The following TSPAN4 variants were observed in gnomAD, a reference collection of about 807,000 sequenced individuals.
The protein encoded by TSPAN4 is tetraspanin 4.
In TSPAN4, 38 loss-of-function variants were observed where a neutral mutation model predicts 31.5. The ratio of observed to expected loss-of-function variants is 1.21; its 90% CI spans 0.93 to 1.58. The LOEUF is 1.58. Ranked by LOEUF, TSPAN4 falls within the 40% of genes most tolerant of loss-of-function variation. The pLI, the probability that TSPAN4 is intolerant of heterozygous loss-of-function variation, is 0.00. For missense variants in TSPAN4, 330 were observed against 317.3 expected, an observed-to-expected ratio of 1.04 and a Z score of -0.30; for synonymous variants, 186 against 144.6, an observed-to-expected ratio of 1.29 and a Z score of -2.06.
chr11:845,237 G>C, intron 1 of TSPAN4, among the ~76,000 whole-genome samples: 1 of 152,180 alleles, frequency 6.6e-6, no homozygotes, highest in East Asian at 1.9e-4. Context: ...TGTGGGATGG[G>C]GTGGGTGCAC....
At chr11:865,168 C>A in intron 5 of TSPAN4, 1 of 264,464 alleles carries the variant, frequency 3.8e-6, no homozygotes. Flanking sequence ...GGGACCGAGG[C>A]CAGGGTGCTG....
At chr11:843,788 T>G in intron 1 of TSPAN4, 1 of 95,484 alleles carries the variant, frequency 1.0e-5, no homozygotes, top group African/African-American at 3.2e-5. Flanking sequence ...CTGGGCTGGT[T>G]TGCCGGCCTG....
intron 1 of TSPAN4, among the ~76,000 whole-genome samples, chr11:845,769 G>A (rs747354591): frequency 7.9e-5 from 12 of 152,158 alleles, no homozygotes; most frequent in South Asian, 2.1e-4. Context: ...GGTTAGCCTC[G>A]GTGGTCCCAG....
chr11:865,899 A>G lies in TSPAN4; in HGVS notation c.565-19A>G, dbSNP rs143123731. The G allele has an allele frequency of 4.4e-4, 714 of 1,613,048 alleles. 6 individuals carry two copies. In the African/African-American group the frequency reaches 8.5e-3, roughly 19 times the overall value. On this transcript the variant is annotated intron_variant, in intron 7 of 8. Coordinates refer to ENST00000397397, the MANE Select transcript of TSPAN4 (RefSeq NM_003271.5). The stretch of plus-strand genomic sequence containing the variant: ...ACCAGCAGGCCCTGCCGTGACACGC[A>G]TGACATCCCTCCCTGCAGCCGTGCT...
intron 3 of TSPAN4, chr11:858,780 A>ACGTG: frequency 7.4e-6 from 1 of 135,338 alleles, no homozygotes; most frequent in African/African-American, 3.0e-5. Flanking sequence ...ACCCCGGCTC[A>ACGTG]CATGCACCCC....
At chr11:851,002 CTT>C (rs1565132551) in intron 3 of TSPAN4, among the ~76,000 whole-genome samples, 2 of 152,376 alleles carry the variant, frequency 1.3e-5, no homozygotes, top group African/African-American at 4.8e-5. Flanking sequence ...GCTTCCCTAA[CTT>C]TTGCGGAGGT....
intron 2 of TSPAN4, chr11:849,820 G>T (rs1189004366): frequency 2.0e-5 from 3 of 146,426 alleles, no homozygotes. Context: ...GGCGCGCGGG[G>T]TCGGGGGCGC....
In TSPAN4 at chr11:866,820, A is replaced by AC. The variant is rs1342166771; in HGVS notation, c.*197dup. ...GCTCAGGTGGCTTCAGGGCCTCCGGACCCCCCCTGGGAGGGGTGGCCACGT... is the reference window on the plus strand; with the variant it reads ...GCTCAGGTGGCTTCAGGGCCTCCGGACCCCCCCCTGGGAGGGGTGGCCACGT... On this transcript the variant is annotated 3_prime_UTR_variant, in exon 9 of 9. Transcript: ENST00000397397. 5.9e-5 allele frequency: 33 copies of AC among 561,904 alleles called. No individual in the cohort carries two copies. The highest frequency in any genetic ancestry group is 1.8e-4 in the Admixed American group (5 of 27,156). 34.8% of individuals were successfully genotyped at this position (561,904 alleles called of 1,614,324 possible). A position where few individuals can be genotyped will look rare whatever the true frequency, so the allele number is the denominator to read the frequency against.
chr11:847,413 C>T (rs1389192853), intron 2 of TSPAN4, 113 bp downstream of exon 2: 1 of 152,182 alleles, frequency 6.6e-6, no homozygotes, highest in East Asian at 1.9e-4. Context: ...GACACCACAC[C>T]TGAGTATCTA....
intron 3 of TSPAN4, chr11:862,249 C>T (rs1848498608): frequency 2.5e-6 from 1 of 404,006 alleles, no homozygotes; most frequent in Non-Finnish European, 4.4e-6. Context: ...CCTTTGGCTC[C>T]AGGCCAGGGG....
chr11:866,820 A>T lies in TSPAN4; in HGVS notation c.*190A>T. ...GCTCAGGTGGCTTCAGGGCCTCCGG[A>T]CCCCCCCTGGGAGGGGTGGCCACGT... On this transcript the variant is annotated 3_prime_UTR_variant, in exon 9 of 9. Transcript: ENST00000397397. 5.3e-6 allele frequency: 3 copies of T among 562,028 alleles called. No individual in the cohort carries two copies. Among genetic ancestry groups the T allele is most frequent in the Non-Finnish European group, 3.0e-6 (1 of 335,596 alleles). The allele number at this position is 562,028 out of a possible 1,614,324, so 34.8% of individuals were successfully genotyped here.
intron 3 of TSPAN4, among the ~76,000 whole-genome samples, chr11:854,145 G>A (rs1847910898): frequency 6.6e-6 from 1 of 152,234 alleles, no homozygotes; most frequent in Admixed American, 6.5e-5. Context: ...AGGCAGCCGA[G>A]CTATTTAGCA....
intron 3 of TSPAN4, chr11:858,202 T>G (rs755100439): frequency 2.0e-5 from 3 of 152,506 alleles, no homozygotes; most frequent in Non-Finnish European, 4.4e-5. Flanking sequence ...CTCCAGAATG[T>G]TACGAGGGAC....
intron 1 of TSPAN4, chr11:844,391 G>A (rs750211274): frequency 2.0e-5 from 3 of 152,406 alleles, no homozygotes; most frequent in Non-Finnish European, 2.9e-5. Flanking sequence ...TTGGAATTCC[G>A]AGTGTGTGCG....
chr11:855,193 C>G (rs1847978948), intron 3 of TSPAN4, among the ~76,000 whole-genome samples: 1 of 152,190 alleles, frequency 6.6e-6, no homozygotes, highest in Non-Finnish European at 1.5e-5. Flanking sequence ...GGCCGGGCCT[C>G]TGTGTGGAGA....
At chr11:861,888 A>G (rs1451297631) in intron 3 of TSPAN4, among the ~76,000 whole-genome samples, 1 of 152,188 alleles carries the variant, frequency 6.6e-6, no homozygotes, top group Non-Finnish European at 1.5e-5. Flanking sequence ...GTGCCACTGC[A>G]CTCCAGCCTG....
chr11:864,538 A>G (rs370185425), intron 5 of TSPAN4, 27 bp downstream of exon 5: 4 of 1,610,098 alleles, frequency 2.5e-6, no homozygotes, highest in Non-Finnish European at 3.4e-6. Flanking sequence ...CGCAGGCCCA[A>G]CTGCAGGGCT....
rs140530242 is a variant in TSPAN4, at chr11:864,485, A to T, written c.304A>T (p.Ile102Phe). Reference protein sequence around the residue: ...LVFLLEATIAILFFAYTDKID... With the variant: ...LVFLLEATIAFLFFAYTDKID... Reference sequence around the variant, plus strand: ...GTTCCTGCTGGAGGCCACCATCGCCATCCTCTTCTTCGCCTACACGGACAA... The same window carrying T: ...GTTCCTGCTGGAGGCCACCATCGCCTTCCTCTTCTTCGCCTACACGGACAA... Residue 102 changes from isoleucine (I) to phenylalanine (F), a missense_variant, in exon 5 of 9, where the codon ATC becomes TTC. Coordinates refer to ENST00000397397, the MANE Select transcript of TSPAN4 (RefSeq NM_003271.5). 13 of 1,612,656 alleles carry T rather than the reference A, an allele frequency of 8.1e-6. No homozygotes were observed. The African/African-American group carries it at 1.5e-4, about 18-fold the overall frequency.
rs1470833148 is a variant in TSPAN4, at chr11:858,904, ACACGCACCCCAGCTCT to A, written c.64-3635_64-3620del. Among the ~76,000 whole-genome samples, 18 of 99,800 alleles carry A rather than the reference ACACGCACCCCAGCTCT, an allele frequency of 1.8e-4. 1 individual carries two copies. In the East Asian group the frequency reaches 5.0e-3, roughly 28 times the overall value. The allele number at this position is 99,800 out of a possible 152,430, so 65.5% of individuals were successfully genotyped here. On this transcript the variant is annotated intron_variant, in intron 3 of 8. Transcript: ENST00000397397. ...CCCTGGGTCACACGCATCCCCGCTC[ACACGCACCCCAGCTCT>A]CACGCACCCCCGGGCTCACACCCCC... is the stretch of plus-strand genomic sequence containing the variant.
Sources: allele counts gnomAD v4.1 joint callset (sites outside exome capture counted in the v4.1 genomes callset), GRCh38; gene constraint gnomAD v4.1.1; transcripts MANE v1.5; gene names NCBI Gene and HGNC (gene_info 2026-07-23, HGNC 2026-07-21).